The following CD300A variants were observed in gnomAD, a reference collection of about 807,000 sequenced individuals.
CD300A encodes the protein CMRF35-like molecule 8.
In CD300A, 22 loss-of-function variants were observed where a neutral mutation model predicts 33.6. That is an observed-to-expected ratio of 0.66 (90% CI 0.47 to 0.94). CD300A has a LOEUF of 0.94. Among genes scored for constraint, CD300A ranks in the 40% least tolerant of loss-of-function variants. The pLI is 0.00. For synonymous variants in CD300A, 136 were observed against 148.1 expected, an observed-to-expected ratio of 0.92 and a Z score of 0.59; for missense variants, 326 against 360.5, an observed-to-expected ratio of 0.90 and a Z score of 0.77.
rs773616073 is a variant in CD300A at position 74,481,323 on chromosome 17, G to A, written c.663G>A (p.Lys221=). 6.2e-7 allele frequency: 1 copy of A among 1,613,916 alleles called. No individual in the cohort carries two copies. Among genetic ancestry groups the A allele is most frequent in the East Asian group, 2.2e-5 (1 of 44,826 alleles). ...GDHSELSQNP[K]QAATQSELHY... ...ATTCAGAGCTGTCCCAGAACCCCAA[G>A]CAGGTAAGGGGGCTTTAGCAGGAGG... Residue 221 remains lysine (K), a synonymous_variant, in exon 5 of 7, where the codon AAG becomes AAA. Coordinates refer to ENST00000360141, the MANE Select transcript of CD300A (RefSeq NM_007261.4).
At position 74,480,157 on chromosome 17, in the gene CD300A, C is replaced by T. The variant is rs567151074; in HGVS notation, c.629-1132C>T. Among the ~76,000 whole-genome samples, 14 of 152,268 alleles carry T rather than the reference C, an allele frequency of 9.2e-5. No homozygotes were observed. Among genetic ancestry groups the T allele is most frequent in the East Asian group, 3.9e-4 (2 of 5,182 alleles). ...CACAGCACTTGGAAGCAGGGCACTT[C>T]GCACCCCAGAGTACCCGGCTGCGCA... On this transcript the variant is annotated intron_variant, in intron 4 of 6. Transcript: ENST00000360141. The surrounding 1 kb of genome is among the most constrained non-coding windows in gnomAD (Gnocchi z 4.2).
At position 74,481,270 on chromosome 17, in the gene CD300A, C is replaced by T. The variant is rs755813047; in HGVS notation, c.629-19C>T. On this transcript the variant is annotated intron_variant, in intron 4 of 6. Transcript: ENST00000360141. The stretch of plus-strand genomic sequence containing the variant: ...CATTGTTCCGGGATTCAACCTCCTT[C>T]CTCTCCTCTTGTCTCTAGCTGGTGA... 1.9e-6 allele frequency: 3 copies of T among 1,613,622 alleles called. No homozygotes were observed. The highest frequency in any genetic ancestry group is 2.5e-6 in the Non-Finnish European group (3 of 1,179,716).
At chr17:74,468,308 G>T (rs888409899) in intron 1 of CD300A, among the ~76,000 whole-genome samples, 3 of 152,056 alleles carry the variant, frequency 2.0e-5, no homozygotes, top group Non-Finnish European at 4.4e-5. Flanking sequence ...TGCTGGGATT[G>T]CAGGCGTGAG....
At position 74,481,304 on chromosome 17, in the gene CD300A, A is replaced by T; in HGVS notation, c.644A>T (p.Glu215Val). Residue 215 changes from glutamate to valine, a missense_variant, in exon 5 of 7, where the codon GAG (glutamate) becomes GTG (valine). Transcript: ENST00000360141. ...QKWIKAGDHS[E>V]LSQNPKQAAT... ...TTGTCTCTAGCTGGTGACCATTCAG[A>T]GCTGTCCCAGAACCCCAAGCAGGTA... 6.2e-7 allele frequency: 1 copy of T among 1,613,920 alleles called. No individual in the cohort carries two copies. Among genetic ancestry groups the T allele is most frequent in the Non-Finnish European group, 8.5e-7 (1 of 1,179,986 alleles).
At chr17:74,479,215 A>G (rs73352393) in intron 4 of CD300A, among the ~76,000 whole-genome samples, 20,013 of 151,722 alleles carry the variant, frequency 0.13, 3,359 homozygotes, top group African/African-American at 0.39. Context: ...TTCTATGCCT[A>G]TGTAAATGCA....
intron 4 of CD300A, among the ~76,000 whole-genome samples, chr17:74,481,026 GGC>G (rs1906805781): frequency 6.6e-6 from 1 of 152,206 alleles, no homozygotes; most frequent in Admixed American, 6.5e-5. Flanking sequence ...TGGGATTACA[GGC>G]GTGAGCCACC....
intron 6 of CD300A, among the ~76,000 whole-genome samples, chr17:74,482,108 A>G (rs989181970): frequency 2.6e-5 from 4 of 152,090 alleles, no homozygotes; most frequent in African/African-American, 9.7e-5. Flanking sequence ...CCTGCTGTGT[A>G]TCGTGAGCCA....
chr17:74,481,197 T>C, intron 4 of CD300A, 92 bp from the exon 5 acceptor site: 1 of 1,245,826 alleles, frequency 8.0e-7, no homozygotes, highest in Non-Finnish European at 1.2e-6. Context: ...CTGAGGTCTC[T>C]AGGGAAAGGC....
chr17:74,482,494 G>C (rs1449283115), intron 6 of CD300A, among the ~76,000 whole-genome samples: 1 of 151,798 alleles, frequency 6.6e-6, no homozygotes, highest in African/African-American at 2.4e-5. Context: ...AACTCCCTGG[G>C]ATATCTCCAG....
upstream of CD300A, chr17:74,466,484 C>G: frequency 1.7e-6 from 1 of 601,692 alleles, no homozygotes; most frequent in East Asian, 2.8e-5. Context: ...CCTCAACCAG[C>G]GTTAAGGAGG....
Position 74,483,406 on chromosome 17 carries a change from G to A in CD300A, c.775-595G>A, listed in dbSNP as rs1907047783. Among the ~76,000 whole-genome samples, 3 of 147,554 alleles carry A rather than the reference G, an allele frequency of 2.0e-5. No homozygotes were observed. In the South Asian group the frequency reaches 6.4e-4, roughly 32 times the overall value. ...CAGAGTCCCACTCTGTCGCCAGGCT[G>A]GAGAGCAGTGGTGCAATCTTGGCCA... is the stretch of plus-strand genomic sequence containing the variant. On this transcript the variant is annotated intron_variant, in intron 6 of 6. Coordinates refer to ENST00000360141, the MANE Select transcript of CD300A (RefSeq NM_007261.4).
rs1243455587 is a variant in CD300A, at chr17:74,480,507, G to A, written c.629-782G>A. Reference sequence around the variant, plus strand: ...GAGCTGGCGTCCCTGGGGCTGACAGGCCTCCTTCCCTACGGCCTGGGGCAG... The same window carrying A: ...GAGCTGGCGTCCCTGGGGCTGACAGACCTCCTTCCCTACGGCCTGGGGCAG... On this transcript the variant is annotated intron_variant, in intron 4 of 6. Coordinates refer to ENST00000360141, the MANE Select transcript of CD300A (RefSeq NM_007261.4). The surrounding 1 kb of genome is among the most constrained non-coding windows in gnomAD (Gnocchi z 4.2). 6.6e-6 allele frequency among the ~76,000 whole-genome samples: 1 copy of A among 152,266 alleles called. No homozygotes were observed. The highest frequency in any genetic ancestry group is 6.5e-5 in the Admixed American group (1 of 15,304).
chr17:74,467,524 C>A (rs934061375), intron 1 of CD300A, among the ~76,000 whole-genome samples: 31 of 152,280 alleles, frequency 2.0e-4, no homozygotes, highest in African/African-American at 7.2e-4. Context: ...CCTGTCCAAG[C>A]GCAGGGATTC....
At chr17:74,467,075 G>A in intron 1 of CD300A, 1 of 1,109,658 alleles carries the variant, frequency 9.0e-7, no homozygotes, top group Non-Finnish European at 1.1e-6. Flanking sequence ...TGTCAGGGTG[G>A]GTGGAGAGTG....
At chr17:74,467,203 T>C (rs1905776001) in intron 1 of CD300A, among the ~76,000 whole-genome samples, 1 of 24,794 alleles carries the variant, frequency 4.0e-5, no homozygotes, top group Non-Finnish European at 7.6e-5. Context: ...CCTCACTAGG[T>C]GCAGGGTACG....
intron 1 of CD300A, among the ~76,000 whole-genome samples, chr17:74,470,413 G>C (rs1906020102): frequency 6.6e-6 from 1 of 152,108 alleles, no homozygotes; most frequent in South Asian, 2.1e-4. Context: ...GAGAGCTAGA[G>C]GGAGAGAGAG....
At position 74,470,843 on chromosome 17, in the gene CD300A, G is replaced by A. The variant is rs559189195; in HGVS notation, c.41-2693G>A. Reference sequence around the variant, plus strand: ...TTTTGTGTTTTTGGTAGAGATGGGGGTCTCACCACATTGCCCAGGCTGGCC... The same window carrying A: ...TTTTGTGTTTTTGGTAGAGATGGGGATCTCACCACATTGCCCAGGCTGGCC... On this transcript the variant is annotated intron_variant, in intron 1 of 6. Transcript: ENST00000360141. Among the ~76,000 whole-genome samples the A allele has an allele frequency of 1.6e-4, 24 of 151,440 alleles. No homozygotes were observed. In the South Asian group the frequency reaches 5.0e-3, roughly 32 times the overall value.
chr17:74,484,278 C>A lies in CD300A; in HGVS notation c.*152C>A. The A allele has an allele frequency of 1.2e-6, 1 of 804,586 alleles. No homozygotes were observed. Among genetic ancestry groups the A allele is most frequent in the Non-Finnish European group, 1.9e-6 (1 of 526,746 alleles). 49.8% of individuals were successfully genotyped at this position (804,586 alleles called of 1,614,324 possible). A position where few individuals can be genotyped will look rare whatever the true frequency, so the allele number is the denominator to read the frequency against. On this transcript the variant is annotated 3_prime_UTR_variant, in exon 7 of 7. Transcript: ENST00000360141. ...GGTTTCCCAGGCCATCCCTCTGTTG[C>A]CATCAGCTTGATTGGCTTCCCCGAG...
chr17:74,466,966 T>A, intron 1 of CD300A: 1 of 1,410,986 alleles, frequency 7.1e-7, no homozygotes, highest in Non-Finnish European at 9.2e-7. Flanking sequence ...GTACCTTGGC[T>A]GAACCACAGC....
Sources: gnomAD v4.1 joint callset for allele counts (sites outside exome capture counted in the v4.1 genomes callset) on GRCh38, gnomAD v4.1.1 for gene constraint, Gnocchi (gnomAD v3.1) non-coding constraint, MANE v1.5 for transcripts, NCBI Gene and HGNC (gene_info 2026-07-23, HGNC 2026-07-21) for gene names.